The following KCNH8 variants were observed in gnomAD, a reference collection of about 807,000 sequenced individuals.
KCNH8 encodes the protein voltage-gated delayed rectifier potassium channel KCNH8.
A neutral mutation model predicts 103.6 loss-of-function variants in KCNH8; 70 were observed. The ratio of observed to expected loss-of-function variants is 0.68; its 90% CI spans 0.56 to 0.82. KCNH8 has a LOEUF of 0.82. KCNH8 is among the 40% of genes least tolerant of loss of function. KCNH8 has a pLI of 0.00. For synonymous variants in KCNH8, 498 were observed against 489.4 expected, an observed-to-expected ratio of 1.02 and a Z score of -0.23; for missense variants, 1,217 against 1,329.9, an observed-to-expected ratio of 0.92 and a Z score of 1.32.
Position 19,438,237 on chromosome 3 carries a change from C to A in KCNH8, c.1251C>A (p.Ile417=). ...YGNNTLGGPS[I]RSAYIAALYF... ...ACAATACCTTGGGGGGCCCGTCGAT[C>A]CGAAGTGCCTATATTGCCGCTCTGT... The change falls in exon 8 of 16, where the codon ATC becomes ATA. Residue 417 remains isoleucine, a synonymous_variant. Coordinates refer to ENST00000328405, the MANE Select transcript of KCNH8 (RefSeq NM_144633.3). 1 of 1,614,114 alleles carries A rather than the reference C, an allele frequency of 6.2e-7. No homozygotes were observed. Among genetic ancestry groups the A allele is most frequent in the African/African-American group, 1.3e-5 (1 of 75,032 alleles).
intron 1 of KCNH8, among the ~76,000 whole-genome samples, chr3:19,161,293 A>C (rs746571083): frequency 5.2e-4 from 79 of 152,302 alleles, no homozygotes; most frequent in Non-Finnish European, 1.0e-3. Context: ...TATCCGTCTC[A>C]GGTAAGGGGG....
At chr3:19,382,231 A>G (rs1402700686) in intron 5 of KCNH8, among the ~76,000 whole-genome samples, 1 of 152,214 alleles carries the variant, frequency 6.6e-6, no homozygotes, top group African/African-American at 2.4e-5. Context: ...TATTACTAAA[A>G]GAACCTCTTT....
chr3:19,417,220 A>G (rs200751358), intron 7 of KCNH8, among the ~76,000 whole-genome samples: 7 of 149,008 alleles, frequency 4.7e-5, no homozygotes, highest in Admixed American at 4.0e-4. Context: ...ATATATGTAT[A>G]TGTGTGTGTA....
chr3:19,333,124 A>T (rs900741778), intron 3 of KCNH8, among the ~76,000 whole-genome samples: 1 of 152,180 alleles, frequency 6.6e-6, no homozygotes, highest in Non-Finnish European at 1.5e-5. Context: ...GTTTTTAAAC[A>T]TCTTTTCATG....
intron 1 of KCNH8, among the ~76,000 whole-genome samples, chr3:19,152,258 G>C (rs2063137832): frequency 6.6e-6 from 1 of 151,754 alleles, no homozygotes; most frequent in African/African-American, 2.4e-5. Flanking sequence ...GAACACATTG[G>C]TATATATTTG....
At chr3:19,175,254 C>T (rs2063386514) in intron 1 of KCNH8, among the ~76,000 whole-genome samples, 1 of 148,004 alleles carries the variant, frequency 6.8e-6, no homozygotes, top group South Asian at 2.1e-4. Flanking sequence ...CGGAGTCTCG[C>T]TCTGTCACCC....
intron 1 of KCNH8, among the ~76,000 whole-genome samples, chr3:19,171,363 A>G (rs1007098723): frequency 2.0e-5 from 3 of 152,154 alleles, no homozygotes; most frequent in Non-Finnish European, 4.4e-5. Context: ...AATACAGCTT[A>G]TATTTTTGCT....
chr3:19,531,363 T>C (rs964599966), intron 15 of KCNH8, among the ~76,000 whole-genome samples: 11 of 152,212 alleles, frequency 7.2e-5, no homozygotes, highest in Non-Finnish European at 1.6e-4. Flanking sequence ...GCTTTAGAAT[T>C]GAAGCTTGGC....
At chr3:19,221,311 C>T (rs898571800) in intron 1 of KCNH8, among the ~76,000 whole-genome samples, 5 of 152,176 alleles carry the variant, frequency 3.3e-5, no homozygotes, top group African/African-American at 9.7e-5. Context: ...GATTTTGCCC[C>T]AGGTTGGATA....
intron 1 of KCNH8, among the ~76,000 whole-genome samples, chr3:19,207,658 T>C (rs2063730784): frequency 6.6e-6 from 1 of 152,002 alleles, no homozygotes; most frequent in Non-Finnish European, 1.5e-5. Flanking sequence ...GGCTATATTT[T>C]TATGACGTTC....
chr3:19,342,436 AAAATT>A (rs1344390916), intron 3 of KCNH8, 146 bp from the exon 4 acceptor site: 11 of 602,602 alleles, frequency 1.8e-5, no homozygotes, highest in African/African-American at 5.8e-5. Flanking sequence ...ATAAAGGACT[AAAATT>A]AAATTAAATG....
intron 10 of KCNH8, 69 bp downstream of exon 10, chr3:19,451,473 G>GA (rs536362823): frequency 1.0e-5 from 14 of 1,398,646 alleles, no homozygotes; most frequent in Admixed American, 3.6e-5. Context: ...TGAAATGGGG[G>GA]AAAAAACTGC....
chr3:19,273,304 A>C (rs994010821), intron 2 of KCNH8, among the ~76,000 whole-genome samples: 3 of 152,182 alleles, frequency 2.0e-5, no homozygotes, highest in African/African-American at 7.2e-5. Context: ...TTTCTTAAAG[A>C]AAAGTATCAA....
chr3:19,493,670 A>G (rs1178599320), intron 11 of KCNH8, among the ~76,000 whole-genome samples: 2 of 152,092 alleles, frequency 1.3e-5, no homozygotes, highest in Non-Finnish European at 2.9e-5. Flanking sequence ...CTCTTGTTCC[A>G]GTTTTCAAGG....
chr3:19,363,301 T>C (rs568096370), intron 5 of KCNH8, among the ~76,000 whole-genome samples: 5 of 152,302 alleles, frequency 3.3e-5, no homozygotes, highest in African/African-American at 1.2e-4. Flanking sequence ...TTATCTTCTC[T>C]CTTCCAATCT....
Position 19,148,670 on chromosome 3 carries a change from C to A in KCNH8, c.-50C>A. On this transcript the variant is annotated 5_prime_UTR_variant, in exon 1 of 16. Coordinates refer to ENST00000328405, the MANE Select transcript of KCNH8 (RefSeq NM_144633.3). ...CCCTTCTTGGCACTTTCCTTTCGAACCATCCTTCTGGACAAACTTTGATGG... is the reference window on the plus strand; with the variant it reads ...CCCTTCTTGGCACTTTCCTTTCGAAACATCCTTCTGGACAAACTTTGATGG... 1 of 1,574,264 alleles carries A rather than the reference C, an allele frequency of 6.4e-7. No homozygotes were observed. Among genetic ancestry groups the A allele is most frequent in the South Asian group, 1.1e-5 (1 of 90,430 alleles).
chr3:19,199,763 A>G (rs2063638475), intron 1 of KCNH8, among the ~76,000 whole-genome samples: 1 of 151,880 alleles, frequency 6.6e-6, no homozygotes, highest in African/African-American at 2.4e-5. Context: ...TATGTAAATC[A>G]CTGAGAATTA....
chr3:19,503,288 G>T (rs1389417636), intron 11 of KCNH8, among the ~76,000 whole-genome samples: 2 of 151,924 alleles, frequency 1.3e-5, no homozygotes, highest in African/African-American at 4.8e-5. Context: ...ACAGGTGCTG[G>T]AGAGGATGTG....
intron 1 of KCNH8, among the ~76,000 whole-genome samples, chr3:19,231,584 A>G (rs2063995242): frequency 6.6e-6 from 1 of 152,162 alleles, no homozygotes; most frequent in African/African-American, 2.4e-5. Context: ...TTAGGTATAT[A>G]GTGTTGAAAT....
Sources: allele counts gnomAD v4.1 joint callset (sites outside exome capture counted in the v4.1 genomes callset), GRCh38; gene constraint gnomAD v4.1.1; transcripts MANE v1.5; gene names NCBI Gene and HGNC (gene_info 2026-07-23, HGNC 2026-07-21).